LRRC8D: variants seen among roughly 807,000 people sequenced by gnomAD.
LRRC8D encodes the protein volume-regulated anion channel subunit LRRC8D.
In LRRC8D, 20 loss-of-function variants were observed where a neutral mutation model predicts 55.8. The ratio of observed to expected loss-of-function variants is 0.36; its 90% CI spans 0.25 to 0.52. LRRC8D has a LOEUF of 0.52. Ranked by LOEUF, LRRC8D falls within the 20% of genes least tolerant of loss-of-function variation. LRRC8D has a pLI of 0.93. For synonymous variants in LRRC8D, 352 were observed against 377.0 expected, an observed-to-expected ratio of 0.93 and a Z score of 0.77; for missense variants, 651 against 1,030.8, an observed-to-expected ratio of 0.63 and a Z score of 5.05.
intron 1 of LRRC8D, among the ~76,000 whole-genome samples, chr1:89,822,806 T>C (rs1241356400): frequency 6.6e-6 from 1 of 152,160 alleles, no homozygotes; most frequent in African/African-American, 2.4e-5. Context: ...ATTTTTGCAG[T>C]CCAAAAATAG....
chr1:89,853,654 C>T (rs543330052), intron 2 of LRRC8D, among the ~76,000 whole-genome samples: 1 of 151,938 alleles, frequency 6.6e-6, no homozygotes, highest in Admixed American at 6.6e-5. Flanking sequence ...GCCACGCTGC[C>T]CAGAGAGTAA....
At chr1:89,886,301 G>T (rs544038147) in intron 2 of LRRC8D, among the ~76,000 whole-genome samples, 1 of 152,156 alleles carries the variant, frequency 6.6e-6, no homozygotes, top group African/African-American at 2.4e-5. Context: ...CCCCGGACGG[G>T]GGAGGTCATT....
intron 2 of LRRC8D, among the ~76,000 whole-genome samples, chr1:89,880,584 C>T (rs1244315394): frequency 1.3e-5 from 2 of 151,544 alleles, no homozygotes; most frequent in East Asian, 3.9e-4. Context: ...ATGCTTGGTG[C>T]CTTATGTGTA....
At position 89,934,547 on chromosome 1, in the gene LRRC8D, T is replaced by A. The variant is rs770413850; in HGVS notation, c.1479T>A (p.Asp493Glu). 2.6e-5 allele frequency: 42 copies of A among 1,614,110 alleles called. No homozygotes were observed. The highest frequency in any genetic ancestry group is 1.6e-4 in the Middle Eastern group (1 of 6,084). ...CTGTCTTTGACCTCACAGACCTGGA[T>A]GTGCTAAAGCTTGAACTAATTCCAG... Reference protein sequence around the residue: ...PDAVFDLTDLDVLKLELIPEA... With the variant: ...PDAVFDLTDLEVLKLELIPEA... The change falls in exon 3 of 3, where the codon GAT becomes GAA. Residue 493 changes from aspartate to glutamate, a missense_variant. Physicochemically the swap from Asp to Glu is conservative, Grantham distance 45 (BLOSUM62 2). This residue lies in a region of LRRC8D where 338 missense variants were observed against 479.4 expected (regional missense o/e 0.71). Coordinates refer to ENST00000337338, the MANE Select transcript of LRRC8D (RefSeq NM_001134479.2). This position sits in a 1 kb window ranked among gnomAD's most constrained non-coding sequence, Gnocchi z 5.9.
rs142018032 is a variant in LRRC8D at position 89,935,503 on chromosome 1, G to T, written c.2435G>T (p.Arg812Leu). Residue 812 changes from arginine (R) to leucine (L), a missense_variant, in exon 3 of 3, where the codon CGC becomes CTC. By Grantham distance (102) the Arg-to-Leu change is moderately radical. Transcript: ENST00000337338. ...QLELKGNCLDRLPAQLGQCRM... is the reference protein window; with the variant it reads ...QLELKGNCLDLLPAQLGQCRM... ...GAGCTGAAGGGGAACTGCTTGGACCGCCTGCCAGCCCAGCTGGGCCAGTGT... is the reference window on the plus strand; with the variant it reads ...GAGCTGAAGGGGAACTGCTTGGACCTCCTGCCAGCCCAGCTGGGCCAGTGT... 2.5e-6 allele frequency: 4 copies of T among 1,614,104 alleles called. No individual in the cohort carries two copies. Among genetic ancestry groups the T allele is most frequent in the Non-Finnish European group, 3.4e-6 (4 of 1,180,046 alleles).
intron 2 of LRRC8D, among the ~76,000 whole-genome samples, chr1:89,873,494 A>G (rs1173503853): frequency 6.6e-6 from 1 of 152,192 alleles, no homozygotes; most frequent in South Asian, 2.1e-4. Context: ...ACTTCCTTTC[A>G]GTGGCCTCTT....
chr1:89,886,298 C>T (rs1047363101), intron 2 of LRRC8D, among the ~76,000 whole-genome samples: 15 of 152,084 alleles, frequency 9.9e-5, no homozygotes, highest in Admixed American at 2.6e-4. Flanking sequence ...GAGCCCCGGA[C>T]GGGGGAGGTC....
chr1:89,904,178 C>T (rs1439754208), intron 2 of LRRC8D, among the ~76,000 whole-genome samples: 1 of 152,230 alleles, frequency 6.6e-6, no homozygotes, highest in Non-Finnish European at 1.5e-5. Flanking sequence ...TCCTCACCCT[C>T]TCCCAATACT....
At chr1:89,829,032 C>T (rs1305846953) in intron 1 of LRRC8D, among the ~76,000 whole-genome samples, 2 of 152,110 alleles carry the variant, frequency 1.3e-5, no homozygotes, top group Admixed American at 6.5e-5. Flanking sequence ...TATTAGATGC[C>T]GTCAGTCAAA....
chr1:89,933,766 C>T lies in LRRC8D; in HGVS notation c.698C>T (p.Thr233Ile), dbSNP rs1663770708. 1.2e-6 allele frequency: 2 copies of T among 1,614,028 alleles called. No homozygotes were observed. The highest frequency in any genetic ancestry group is 1.7e-5 in the Admixed American group (1 of 60,000). The change falls in exon 3 of 3, where the codon ACT becomes ATT. Residue 233 changes from threonine (T) to isoleucine (I), a missense_variant. Around this residue, in one of 5 missense-constraint regions of LRRC8D, gnomAD observed 178 missense variants for 374.9 expected, o/e 0.47. Transcript: ENST00000337338. This position sits in a 1 kb window ranked among gnomAD's most constrained non-coding sequence, Gnocchi z 7.0. Reference sequence around the variant, plus strand: ...AAGCAGAGAATAACAGGTGCCCAGACTCTACCAAAGCATGTTTCTACCAGC... The same window carrying T: ...AAGCAGAGAATAACAGGTGCCCAGATTCTACCAAAGCATGTTTCTACCAGC... ...ENKQRITGAQ[T>I]LPKHVSTSSD... is the part of the protein sequence containing the mutation.
intron 2 of LRRC8D, among the ~76,000 whole-genome samples, chr1:89,874,458 T>TGTGC (rs1662101773): frequency 6.6e-6 from 1 of 151,196 alleles, no homozygotes; most frequent in Non-Finnish European, 1.5e-5. Flanking sequence ...TGTGTGTGTG[T>TGTGC]GTGTGTGTGT....
At chr1:89,893,883 G>GT (rs1318779561) in intron 2 of LRRC8D, among the ~76,000 whole-genome samples, 1 of 152,224 alleles carries the variant, frequency 6.6e-6, no homozygotes, top group Non-Finnish European at 1.5e-5. Context: ...GGTGATGTGA[G>GT]TTTTTGACTG....
chr1:89,871,696 A>G (rs1662010698), intron 2 of LRRC8D, among the ~76,000 whole-genome samples: 1 of 152,206 alleles, frequency 6.6e-6, no homozygotes, highest in South Asian at 2.1e-4. Context: ...ATGTTAATAA[A>G]CTTCATTATA....
chr1:89,863,278 T>C (rs963815713), intron 2 of LRRC8D, among the ~76,000 whole-genome samples: 1 of 152,134 alleles, frequency 6.6e-6, no homozygotes, highest in African/African-American at 2.4e-5. Flanking sequence ...AGCACAAGCA[T>C]TGGTTGGATA....
intron 2 of LRRC8D, among the ~76,000 whole-genome samples, chr1:89,921,818 A>G (rs1175703787): frequency 2.0e-5 from 3 of 152,154 alleles, no homozygotes; most frequent in Admixed American, 1.3e-4. Context: ...TGCTGGGATT[A>G]CAAGCGTGAG....
intron 2 of LRRC8D, among the ~76,000 whole-genome samples, chr1:89,881,905 G>A (rs1012870563): frequency 5.3e-5 from 8 of 152,172 alleles, no homozygotes; most frequent in Admixed American, 3.9e-4. Flanking sequence ...AGTTGGCCCT[G>A]TTAACTTTAA....
rs1043896762 is a variant in LRRC8D at position 89,852,152 on chromosome 1, C to T, written c.-3+8370C>T. On this transcript the variant is annotated intron_variant, in intron 2 of 2. Transcript: ENST00000337338. ...TTCTAGGGTCCGAAACCTGCTGAGA[C>T]GGATAAGACTGATATCTGTGGGTTG... is the stretch of plus-strand genomic sequence containing the variant. Among the ~76,000 whole-genome samples, 18 of 152,208 alleles carry T rather than the reference C, an allele frequency of 1.2e-4. No homozygotes were observed. The East Asian group carries it at 1.7e-3, about 15-fold the overall frequency.
At chr1:89,834,391 ATTCTT>A (rs1311122450) in intron 1 of LRRC8D, among the ~76,000 whole-genome samples, 2 of 152,186 alleles carry the variant, frequency 1.3e-5, no homozygotes. Context: ...TTTCTGTTCT[ATTCTT>A]ATATCAGCCA....
intron 1 of LRRC8D, among the ~76,000 whole-genome samples, chr1:89,824,729 T>C (rs1221400205): frequency 6.6e-6 from 1 of 152,198 alleles, no homozygotes; most frequent in East Asian, 1.9e-4. Context: ...TCACAGTCTT[T>C]TATTGGGATG....
Sources: allele counts gnomAD v4.1 joint callset (sites outside exome capture counted in the v4.1 genomes callset), GRCh38; gene constraint gnomAD v4.1.1; regional missense constraint gnomAD v4.1.1; non-coding constraint Gnocchi (gnomAD v3.1); transcripts MANE v1.5; gene names NCBI Gene and HGNC (gene_info 2026-07-23, HGNC 2026-07-21).